The following COIL variants were observed in gnomAD, a reference collection of about 807,000 sequenced individuals.
COIL encodes coilin, also known as coilin p80.
A neutral mutation model predicts 51.6 loss-of-function variants in COIL; 28 were observed. The observed-to-expected ratio is 0.54, with a 90% CI of 0.40 to 0.74. The LOEUF is 0.74. Ranked by LOEUF, COIL falls within the 30% of genes least tolerant of loss-of-function variation. COIL has a pLI of 0.00. For synonymous variants in COIL, 233 were observed against 255.8 expected, an observed-to-expected ratio of 0.91 and a Z score of 0.85; for missense variants, 667 against 685.9, an observed-to-expected ratio of 0.97 and a Z score of 0.31.
intron 1 of COIL, 144 bp downstream of exon 1, chr17:56,960,631 C>G: frequency 1.7e-6 from 1 of 578,720 alleles, no homozygotes; most frequent in South Asian, 3.4e-5. Context: ...TGCATTTTTA[C>G]AGCCCCACCC....
chr17:56,953,226 A>G (rs996552133), intron 1 of COIL, among the ~76,000 whole-genome samples: 7 of 151,918 alleles, frequency 4.6e-5, no homozygotes, highest in Non-Finnish European at 8.8e-5. Context: ...CCTGGCTAAC[A>G]CAGTGAAACC....
chr17:56,951,026 G>A (rs774238279), intron 1 of COIL, 30 bp from the exon 2 acceptor site: 1 of 1,563,562 alleles, frequency 6.4e-7, no homozygotes, highest in South Asian at 1.2e-5. Context: ...GAAAGCTAGA[G>A]TGAGCAATTT....
chr17:56,950,172 A>T lies in COIL; in HGVS notation c.1070T>A (p.Leu357Gln). 1 of 1,614,176 alleles carries T rather than the reference A, an allele frequency of 6.2e-7. No individual in the cohort carries two copies. Among genetic ancestry groups the T allele is most frequent in the African/African-American group, 1.3e-5 (1 of 75,044 alleles). ...AGCAGCACCTGCAGTCTGTGATGAC[A>T]GCCCTGGGCCTGGACGACCTCTTCC... ...FAGRGRPGPG[L>Q]SSQTAGAAGW... Residue 357 changes from leucine (L) to glutamine (Q), a missense_variant, in exon 2 of 7, where the codon CTG (leucine) becomes CAG (glutamine). Coordinates refer to ENST00000240316, the MANE Select transcript of COIL (RefSeq NM_004645.3).
intron 4 of COIL, among the ~76,000 whole-genome samples, chr17:56,948,996 G>A: frequency 6.6e-6 from 1 of 152,080 alleles, no homozygotes. Context: ...TAAACTGGCT[G>A]GGCATAGTGG....
At chr17:56,958,318 G>A (rs1389514577) in intron 1 of COIL, among the ~76,000 whole-genome samples, 1 of 152,186 alleles carries the variant, frequency 6.6e-6, no homozygotes, top group Non-Finnish European at 1.5e-5. Context: ...CAACAATATT[G>A]GGTACTTTGA....
At chr17:56,943,585 T>C (rs1414795856) in intron 5 of COIL, among the ~76,000 whole-genome samples, 2 of 152,364 alleles carry the variant, frequency 1.3e-5, no homozygotes, top group East Asian at 3.9e-4. Context: ...CTCTGCTCTG[T>C]ATGTGAACTG....
chr17:56,953,458 T>C (rs1910420872), intron 1 of COIL, among the ~76,000 whole-genome samples: 1 of 148,160 alleles, frequency 6.7e-6, no homozygotes, highest in African/African-American at 2.5e-5. Context: ...GTATGGTTGG[T>C]GCATGCCTGT....
At chr17:56,940,938 T>C (rs1413088838) in intron 6 of COIL, 1 of 151,466 alleles carries the variant, frequency 6.6e-6, no homozygotes, top group African/African-American at 2.4e-5. Context: ...ATTGAGACCA[T>C]CGTGGCCAAC....
intron 6 of COIL, among the ~76,000 whole-genome samples, chr17:56,940,520 T>C (rs1910125318): frequency 6.6e-6 from 1 of 152,050 alleles, no homozygotes; most frequent in Non-Finnish European, 1.5e-5. Flanking sequence ...AAAAAAACTA[T>C]TGCAAATAAA....
rs1291258679 is a variant in COIL at position 56,949,677 on chromosome 17, A to T, written c.1440+4T>A. 1 of 1,611,654 alleles carries T rather than the reference A, an allele frequency of 6.2e-7. No homozygotes were observed. The highest frequency in any genetic ancestry group is 1.7e-5 in the Admixed American group (1 of 60,028). On this transcript the variant is annotated splice_donor_region_variant and intron_variant, in intron 3 of 6. Coordinates refer to ENST00000240316, the MANE Select transcript of COIL (RefSeq NM_004645.3). ...TTTGCTGTGACTGTTCTTTTGAAATATACCTTAAATGCAATCTTTTCTCCA... is the reference window on the plus strand; with the variant it reads ...TTTGCTGTGACTGTTCTTTTGAAATTTACCTTAAATGCAATCTTTTCTCCA...
intron 4 of COIL, among the ~76,000 whole-genome samples, chr17:56,947,507 G>T (rs1317619655): frequency 6.6e-6 from 1 of 152,052 alleles, no homozygotes; most frequent in East Asian, 1.9e-4. Context: ...GTCTCGTTTT[G>T]TCACCCAGGC....
rs1036721802 is a variant in COIL at position 56,938,515 on chromosome 17, T to C, written c.*556A>G. 1 of 152,340 alleles carries C rather than the reference T, an allele frequency of 6.6e-6. No homozygotes were observed. The highest frequency in any genetic ancestry group is 1.5e-5 in the Non-Finnish European group (1 of 68,172). 9.4% of individuals were successfully genotyped at this position (152,340 alleles called of 1,614,324 possible). ...CACAGGGACCTGAGAATCCTTAATT[T>C]TAAAGTTGGGAAAAACGTGAAAGGA... On this transcript the variant is annotated 3_prime_UTR_variant, in exon 7 of 7. Coordinates refer to ENST00000240316, the MANE Select transcript of COIL (RefSeq NM_004645.3).
intron 5 of COIL, among the ~76,000 whole-genome samples, chr17:56,943,279 A>G (rs1270044890): frequency 4.6e-5 from 7 of 152,212 alleles, no homozygotes; most frequent in Non-Finnish European, 7.3e-5. Context: ...TTTACTTTGT[A>G]AAATCTTTGT....
At chr17:56,944,686 TTC>T (rs552674010) in intron 5 of COIL, among the ~76,000 whole-genome samples, 88 of 152,204 alleles carry the variant, frequency 5.8e-4, no homozygotes, top group African/African-American at 2.1e-3. Flanking sequence ...TTCGACTGAT[TTC>T]TGTTAGCTGA....
chr17:56,943,667 C>T (rs745919666), intron 5 of COIL, among the ~76,000 whole-genome samples: 3 of 152,076 alleles, frequency 2.0e-5, no homozygotes, highest in Non-Finnish European at 4.4e-5. Context: ...TGGATCATGA[C>T]GCGTATCTGT....
Position 56,949,675 on chromosome 17 carries a change from A to G in COIL, c.1440+6T>C, listed in dbSNP as rs2285936. On this transcript the variant is annotated splice_donor_region_variant and intron_variant, in intron 3 of 6. Coordinates refer to ENST00000240316, the MANE Select transcript of COIL (RefSeq NM_004645.3). Reference sequence around the variant, plus strand: ...TTTTTGCTGTGACTGTTCTTTTGAAATATACCTTAAATGCAATCTTTTCTC... The same window carrying G: ...TTTTTGCTGTGACTGTTCTTTTGAAGTATACCTTAAATGCAATCTTTTCTC... 1,269 of 1,611,192 alleles carry G rather than the reference A, an allele frequency of 7.9e-4. 28 individuals are homozygous for G. In the East Asian group the frequency reaches 0.027, roughly 34 times the overall value.
intron 1 of COIL, 76 bp downstream of exon 1, chr17:56,960,699 G>T: frequency 1.4e-5 from 15 of 1,106,078 alleles, no homozygotes; most frequent in Non-Finnish European, 1.8e-5. Context: ...AGGTCTAGCG[G>T]CTTCAGGCCC....
rs763999487 is a variant in COIL at position 56,950,609 on chromosome 17, C to G, written c.633G>C (p.Trp211Cys). The change falls in exon 2 of 7, where the codon TGG (tryptophan) becomes TGC (cysteine). Residue 211 changes from tryptophan (W) to cysteine (C), a missense_variant. Coordinates refer to ENST00000240316, the MANE Select transcript of COIL (RefSeq NM_004645.3). ...KSPKVQAVKD[W>C]ANQRCSSPKG... ...TTGGAGAACTACATCTCTGATTGGC[C>G]CAGTCTTTCACTGCCTGTACTTTCG... The G allele has an allele frequency of 1.7e-5, 27 of 1,614,036 alleles. No homozygotes were observed. Among genetic ancestry groups the G allele is most frequent in the Non-Finnish European group, 2.2e-5 (26 of 1,180,032 alleles).
chr17:56,949,437 A>G lies in COIL; in HGVS notation c.1441-3T>C. Reference sequence around the variant, plus strand: ...TAACTGGATGTTAGCTCCAAAAGCTAAAAAAGAAGAAAAAACCCACAAATA... The same window carrying G: ...TAACTGGATGTTAGCTCCAAAAGCTGAAAAAGAAGAAAAAACCCACAAATA... On this transcript the variant is annotated splice_region_variant and splice_polypyrimidine_tract_variant and intron_variant, in intron 3 of 6. Coordinates refer to ENST00000240316, the MANE Select transcript of COIL (RefSeq NM_004645.3). The G allele has an allele frequency of 6.2e-7, 1 of 1,603,448 alleles. No individual in the cohort carries two copies. Among genetic ancestry groups the G allele is most frequent in the Non-Finnish European group, 8.5e-7 (1 of 1,177,262 alleles).
Sources: gnomAD v4.1 joint callset for allele counts (sites outside exome capture counted in the v4.1 genomes callset) on GRCh38, gnomAD v4.1.1 for gene constraint, MANE v1.5 for transcripts, NCBI Gene and HGNC (gene_info 2026-07-23, HGNC 2026-07-21) for gene names.